The following CATSPERT variants were observed in gnomAD, a reference collection of about 807,000 sequenced individuals.
The protein encoded by CATSPERT is catsper channel auxiliary subunit tau.
At chr2:201,494,354 T>C in the CATSPERT span, 1 of 1,536,816 alleles carries the variant, frequency 6.5e-7, no homozygotes. Context: ...ATATGGGGGG[T>C]AAAATTTAAA....
the CATSPERT span, among the ~76,000 whole-genome samples, chr2:201,543,875 A>G: frequency 6.6e-6 from 1 of 152,028 alleles, no homozygotes; most frequent in African/African-American, 2.4e-5. Context: ...TTTTATTATT[A>G]TACTTTAAGT....
At chr2:201,568,170 A>G in the CATSPERT span, among the ~76,000 whole-genome samples, 2 of 152,180 alleles carry the variant, frequency 1.3e-5, no homozygotes, top group Non-Finnish European at 2.9e-5. Flanking sequence ...CTGAGGTAGA[A>G]GGCCCTTGAA....
At chr2:201,585,175 T>G in the CATSPERT span, among the ~76,000 whole-genome samples, 1 of 149,044 alleles carries the variant, frequency 6.7e-6, no homozygotes, top group Admixed American at 6.7e-5. Flanking sequence ...TAAGTGGGAG[T>G]TGAACAATGA....
the CATSPERT span, among the ~76,000 whole-genome samples, chr2:201,587,266 G>C: frequency 2.0e-5 from 3 of 151,814 alleles, no homozygotes; most frequent in Admixed American, 6.6e-5. Flanking sequence ...TAATAGTCTT[G>C]TATTTTTACC....
At chr2:201,577,651 G>A in the CATSPERT span, among the ~76,000 whole-genome samples, 6 of 152,122 alleles carry the variant, frequency 3.9e-5, no homozygotes, top group Non-Finnish European at 4.4e-5. Flanking sequence ...GACAAACACT[G>A]TATGATCTCA....
chr2:201,544,440 G>A, the CATSPERT span, among the ~76,000 whole-genome samples: 2 of 152,082 alleles, frequency 1.3e-5, no homozygotes, highest in African/African-American at 2.4e-5. Flanking sequence ...AAGACTGCAT[G>A]AACAGTCCAC....
the CATSPERT span, among the ~76,000 whole-genome samples, chr2:201,547,156 G>T: frequency 3.9e-5 from 6 of 152,212 alleles, no homozygotes; most frequent in Non-Finnish European, 8.8e-5. Context: ...TTGGCTAAAG[G>T]GTATGGGGTT....
chr2:201,566,048 T>C, the CATSPERT span, among the ~76,000 whole-genome samples: 105 of 152,234 alleles, frequency 6.9e-4, no homozygotes, highest in African/African-American at 2.4e-3. Context: ...TAGAGATAAG[T>C]GCTCTCTTGA....
At chr2:201,540,022 AT>A in the CATSPERT span, among the ~76,000 whole-genome samples, 1 of 151,546 alleles carries the variant, frequency 6.6e-6, no homozygotes, top group Non-Finnish European at 1.5e-5. Context: ...GAAAATTTTA[AT>A]AATCTGGACA....
the CATSPERT span, chr2:201,545,634 AAAAAAAAAAAAAAAAAAAAG>A: frequency 1.6e-6 from 1 of 624,882 alleles, no homozygotes. Flanking sequence ...AGAAGCAAAA[AAAAAAAAAAAAAAAAAAAAG>A]AAAAAAAAAT....
chr2:201,589,046 T>C, the CATSPERT span, among the ~76,000 whole-genome samples: 1 of 152,080 alleles, frequency 6.6e-6, no homozygotes, highest in Admixed American at 6.6e-5. Context: ...TACAGCTAAC[T>C]AGAGAGGTGA....
At chr2:201,494,499 A>G in the CATSPERT span, 1 of 1,537,078 alleles carries the variant, frequency 6.5e-7, no homozygotes, top group South Asian at 1.2e-5. Flanking sequence ...TTGTATTGAT[A>G]GTAGGATCAG....
chr2:201,558,712 C>T, the CATSPERT span, among the ~76,000 whole-genome samples: 4 of 152,162 alleles, frequency 2.6e-5, no homozygotes, highest in Non-Finnish European at 4.4e-5. Flanking sequence ...GGATTAGGAA[C>T]GCAAGGTATG....
chr2:201,537,671 G>A, the CATSPERT span, among the ~76,000 whole-genome samples: 18 of 151,918 alleles, frequency 1.2e-4, no homozygotes, highest in African/African-American at 4.3e-4. Flanking sequence ...TGGGGGAGTG[G>A]TAAATGATAA....
the CATSPERT span, among the ~76,000 whole-genome samples, chr2:201,612,554 A>T: frequency 5.4e-4 from 70 of 129,040 alleles, 1 homozygote; most frequent in South Asian, 0.017. Flanking sequence ...AGCCTGGGGG[A>T]GGGCGACAGA....
chr2:201,514,419 AT>A, the CATSPERT span, among the ~76,000 whole-genome samples: 1 of 152,204 alleles, frequency 6.6e-6, no homozygotes, highest in East Asian at 1.9e-4. Context: ...TATTATACTA[AT>A]ATACTAAAAA....
the CATSPERT span, among the ~76,000 whole-genome samples, chr2:201,518,264 A>G: frequency 6.6e-6 from 1 of 152,190 alleles, no homozygotes; most frequent in African/African-American, 2.4e-5. Flanking sequence ...TTGACTGCCA[A>G]AAGGACTGCC....
chr2:201,492,355 A>G, the CATSPERT span: 1 of 1,535,432 alleles, frequency 6.5e-7, no homozygotes, highest in South Asian at 1.2e-5. Flanking sequence ...TTTTTCTATA[A>G]AAAGACTCTG....
chr2:201,593,097 C>T, the CATSPERT span, among the ~76,000 whole-genome samples: 1 of 151,790 alleles, frequency 6.6e-6, no homozygotes, highest in Non-Finnish European at 1.5e-5. Flanking sequence ...TAGATCTTTC[C>T]TGCTTTCTCT....
Sources: allele counts gnomAD v4.1 joint callset (sites outside exome capture counted in the v4.1 genomes callset), GRCh38; gene constraint gnomAD v4.1.1; transcripts MANE v1.5; gene names NCBI Gene and HGNC (gene_info 2026-07-23, HGNC 2026-07-21).